Variants in RAB17 observed in about 807,000 individuals in gnomAD.
RAB17 encodes RAB17, member RAS oncogene family.
Under a neutral mutation model 19.3 loss-of-function variants are expected in RAB17, and 15 were observed. The observed-to-expected ratio is 0.78, with a 90% CI of 0.52 to 1.20. RAB17 has a LOEUF of 1.20. RAB17 is among the 50% of genes most tolerant of loss of function. The pLI is 0.00. For synonymous variants in RAB17, 110 were observed against 112.8 expected (o/e 0.97, Z 0.16); for missense variants, 262 against 269.3 (o/e 0.97, Z 0.19).
At chr2:237,589,072 T>C (rs762928975) in intron 1 of RAB17, among the ~76,000 whole-genome samples, 4 of 152,080 alleles carry the variant, frequency 2.6e-5, no homozygotes, top group African/African-American at 4.8e-5. Context: ...ATACAAAAAT[T>C]AGCTGGGTGT....
rs778777770 is a variant in RAB17 at position 237,578,113 on chromosome 2, A to T, written c.200T>A (p.Leu67Gln). Residue 67 changes from leucine to glutamine, a missense_variant, in exon 3 of 6, where the codon CTG (leucine) becomes CAG (glutamine). Transcript: ENST00000264601. ...TKVVDVGATS[L>Q]KLEIWDTAGQ... ...AGCTGTGTCCCAGATCTCAAGCTTC[A>T]GAGAGGTGGCACCCACATCCACCAC... The T allele has an allele frequency of 6.2e-7, 1 of 1,613,610 alleles. No homozygotes were observed. Among genetic ancestry groups the T allele is most frequent in the Non-Finnish European group, 8.5e-7 (1 of 1,179,646 alleles).
rs373389304 is a variant in RAB17, at chr2:237,580,755, AG to A, written c.158-2601del. Among the ~76,000 whole-genome samples the A allele has an allele frequency of 9.2e-4, 132 of 143,308 alleles. 1 individual carries two copies. The highest frequency in any genetic ancestry group is 2.9e-3 in the African/African-American group (114 of 39,484). 94.0% of individuals were successfully genotyped at this position (143,308 alleles called of 152,430 possible). A position where few individuals can be genotyped will look rare whatever the true frequency, so the allele number is the denominator to read the frequency against. ...AGTGAGACTCTGCCTCAAAAAAAGA[AG>A]GGGGGGGAGGAGGGGAGGGAAAATG... is the stretch of plus-strand genomic sequence containing the variant. On this transcript the variant is annotated intron_variant, in intron 2 of 5. Transcript: ENST00000264601.
At chr2:237,577,689 A>C in intron 3 of RAB17, 1 of 465,160 alleles carries the variant, frequency 2.1e-6, no homozygotes, top group South Asian at 3.0e-5. Flanking sequence ...TCCCACGCCT[A>C]GCTGTCCTCA....
Position 237,575,083 on chromosome 2 carries a change from C to T in RAB17, c.575G>A (p.Arg192Gln), listed in dbSNP as rs182147656. The T allele has an allele frequency of 2.9e-5, 46 of 1,613,670 alleles. 1 individual carries two copies. The highest frequency in any genetic ancestry group is 2.0e-4 in the South Asian group (18 of 91,024). Residue 192 changes from arginine (R) to glutamine (Q), a missense_variant, in exon 6 of 6, where the codon CGG becomes CAG. Physicochemically the swap from Arg to Gln is conservative, Grantham distance 43. Coordinates refer to ENST00000264601, the MANE Select transcript of RAB17 (RefSeq NM_022449.4). The stretch of plus-strand genomic sequence containing the variant: ...GTTCAGAGCCACAGCTGCATCCCCC[C>T]GTAGAGCCTGGCCCTCCTCGTCGCT... ...QRSDEEGQAL[R>Q]GDAAVALNKG...
chr2:237,579,813 T>C (rs1303718985), intron 2 of RAB17, among the ~76,000 whole-genome samples: 3 of 151,774 alleles, frequency 2.0e-5, no homozygotes, highest in African/African-American at 7.3e-5. Context: ...TTCTCTATCA[T>C]GAGACAACCT....
At chr2:237,583,567 G>A (rs1022430427) in intron 2 of RAB17, among the ~76,000 whole-genome samples, 1 of 152,132 alleles carries the variant, frequency 6.6e-6, no homozygotes, top group African/African-American at 2.4e-5. Flanking sequence ...CAAAAGTGCG[G>A]ACCCCAGGGT....
chr2:237,577,272 C>A lies in RAB17; in HGVS notation c.420G>T (p.Arg140=), dbSNP rs1240484061. 1 of 1,613,312 alleles carries A rather than the reference C, an allele frequency of 6.2e-7. No homozygotes were observed. Among genetic ancestry groups the A allele is most frequent in the African/African-American group, 1.3e-5 (1 of 74,886 alleles). ...TGGGCGGTACCTGGAAGGTCACCTC[C>A]CGCTCCTGGCTGAGGTCCGTCTTGT... ...VGNKTDLSQE[R]EVTFQEGKEF... Residue 140 remains arginine, a synonymous_variant, in exon 4 of 6, where the codon CGG becomes CGT. Transcript: ENST00000264601.
At chr2:237,583,988 G>A (rs368109301) in intron 2 of RAB17, among the ~76,000 whole-genome samples, 10 of 133,036 alleles carry the variant, frequency 7.5e-5, no homozygotes, top group African/African-American at 2.0e-4. Flanking sequence ...TTCACCCCCC[G>A]ACCCTGGTAG....
In RAB17 at chr2:237,575,371, C is replaced by A. The variant is rs763106085; in HGVS notation, c.529+16G>T. The A allele has an allele frequency of 8.8e-6, 14 of 1,593,470 alleles. No individual in the cohort carries two copies. The highest frequency in any genetic ancestry group is 8.6e-6 in the Non-Finnish European group (10 of 1,165,104). ...AAGCACCTCCCCCTTGTCTGGCCCA[C>A]GGGGACGTGACTCACCCACTGTATT... On this transcript the variant is annotated intron_variant, in intron 5 of 5. Coordinates refer to ENST00000264601, the MANE Select transcript of RAB17 (RefSeq NM_022449.4).
At chr2:237,588,902 T>C (rs1292196978) in intron 1 of RAB17, among the ~76,000 whole-genome samples, 1 of 152,142 alleles carries the variant, frequency 6.6e-6, no homozygotes, top group East Asian at 1.9e-4. Context: ...CCTTTGACAA[T>C]GATATGTCTC....
intron 3 of RAB17, chr2:237,577,677 T>A: frequency 2.1e-6 from 1 of 469,960 alleles, no homozygotes; most frequent in Non-Finnish European, 3.8e-6. Flanking sequence ...AGCTCCTGAA[T>A]CTCCCACGCC....
chr2:237,580,501 G>A (rs2081299568), intron 2 of RAB17, among the ~76,000 whole-genome samples: 1 of 152,146 alleles, frequency 6.6e-6, no homozygotes, highest in East Asian at 1.9e-4. Context: ...AGCACTTTGG[G>A]AGGCCGAGGT....
At chr2:237,576,195 A>G (rs2081261544) in intron 4 of RAB17, among the ~76,000 whole-genome samples, 1 of 151,812 alleles carries the variant, frequency 6.6e-6, no homozygotes, top group Non-Finnish European at 1.5e-5. Context: ...CTCTCGCACC[A>G]TCCACCATCG....
rs752589975 is a variant in RAB17, at chr2:237,586,017, A to C, written c.138T>G (p.Ser46Arg). The change falls in exon 2 of 6, where the codon AGT becomes AGG. Residue 46 changes from serine to arginine, a missense_variant. Physicochemically the swap from Ser to Arg is moderately radical, Grantham distance 110. Transcript: ENST00000264601. ...ALRYVKNDFK[S>R]ILPTVGCAFF... is the part of the protein sequence containing the mutation. The stretch of plus-strand genomic sequence containing the variant: ...ACTTACAGCCCACCGTAGGCAGGAT[A>C]CTCTTGAAGTCGTTCTTCACGTACC... The C allele has an allele frequency of 6.2e-7, 1 of 1,610,340 alleles. No individual in the cohort carries two copies. The highest frequency in any genetic ancestry group is 1.7e-5 in the Admixed American group (1 of 59,574).
chr2:237,582,227 T>C (rs780364567), intron 2 of RAB17, among the ~76,000 whole-genome samples: 1 of 152,210 alleles, frequency 6.6e-6, no homozygotes, highest in Non-Finnish European at 1.5e-5. Flanking sequence ...GGATGGACGG[T>C]GTCTTGCCAG....
In RAB17 at chr2:237,574,962, G is replaced by T; in HGVS notation, c.*57C>A. 7.6e-7 allele frequency: 1 copy of T among 1,314,632 alleles called. No homozygotes were observed. Among genetic ancestry groups the T allele is most frequent in the East Asian group, 2.4e-5 (1 of 41,544 alleles). 81.4% of individuals were successfully genotyped at this position (1,314,632 alleles called of 1,614,324 possible). Reference sequence around the variant, plus strand: ...GACAGTGAATCAGAATCCACCTAGAGCTGGCCATGGCCCAGGCAGGGGGTG... The same window carrying T: ...GACAGTGAATCAGAATCCACCTAGATCTGGCCATGGCCCAGGCAGGGGGTG... On this transcript the variant is annotated 3_prime_UTR_variant, in exon 6 of 6. Transcript: ENST00000264601.
chr2:237,580,576 T>TA (rs2081300387), intron 2 of RAB17, among the ~76,000 whole-genome samples: 1 of 152,234 alleles, frequency 6.6e-6, no homozygotes, highest in African/African-American at 2.4e-5. Context: ...CTGTTTCTAC[T>TA]AAAAATACAA....
intron 4 of RAB17, chr2:237,576,613 T>C (rs75983679): frequency 0.076 from 35,966 of 471,188 alleles, 1,767 homozygotes; most frequent in Non-Finnish European, 0.1. Flanking sequence ...GAGTTGGGTC[T>C]TCCCCTGCGC....
intron 2 of RAB17, among the ~76,000 whole-genome samples, chr2:237,580,494 A>T (rs2081299493): frequency 6.6e-6 from 1 of 152,124 alleles, no homozygotes; most frequent in Non-Finnish European, 1.5e-5. Flanking sequence ...TAATCCCAGC[A>T]CTTTGGGAGG....
Sources: allele counts gnomAD v4.1 joint callset (sites outside exome capture counted in the v4.1 genomes callset), GRCh38; gene constraint gnomAD v4.1.1; transcripts MANE v1.5; gene names NCBI Gene and HGNC (gene_info 2026-07-23, HGNC 2026-07-21).